The following EML4 variants were observed in gnomAD, a reference collection of about 807,000 sequenced individuals.
EML4 encodes EMAP like 4.
A neutral mutation model predicts 129.0 loss-of-function variants in EML4; 72 were observed. That is an observed-to-expected ratio of 0.56 (90% CI 0.46 to 0.68). The LOEUF (loss-of-function observed/expected upper bound fraction) is 0.68. Among genes scored for constraint, EML4 ranks in the 30% least tolerant of loss-of-function variants. The probability of loss-of-function intolerance (pLI) is 0.00; values close to 1 mark genes in which losing one functional copy is unlikely to be tolerated. For synonymous variants in EML4, 532 were observed against 405.0 expected, an observed-to-expected ratio of 1.31 and a Z score of -3.77; for missense variants, 1,363 against 1,190.6, an observed-to-expected ratio of 1.14 and a Z score of -2.13.
intron 1 of EML4, among the ~76,000 whole-genome samples, chr2:42,216,865 A>G (rs1558510183): frequency 6.6e-6 from 1 of 152,152 alleles, no homozygotes. Flanking sequence ...AGTTTATCCT[A>G]CCCCTCTGAC....
At chr2:42,258,382 T>A (rs900423084) in intron 3 of EML4, among the ~76,000 whole-genome samples, 4 of 142,538 alleles carry the variant, frequency 2.8e-5, no homozygotes, top group Non-Finnish European at 4.6e-5. Flanking sequence ...TTTCTTTTTT[T>A]ATTTATTTTT....
At chr2:42,279,452 A>T (rs1240562212) in intron 6 of EML4, among the ~76,000 whole-genome samples, 1 of 147,560 alleles carries the variant, frequency 6.8e-6, no homozygotes, top group African/African-American at 2.5e-5. Context: ...CCTCATCAAC[A>T]CTTGCCGTCT....
At chr2:42,220,123 C>G (rs565107722) in intron 1 of EML4, among the ~76,000 whole-genome samples, 1 of 151,870 alleles carries the variant, frequency 6.6e-6, no homozygotes, top group African/African-American at 2.4e-5. Context: ...AATTGTTTTA[C>G]TTATCTATAA....
chr2:42,282,433 G>C (rs1366652344), intron 7 of EML4, among the ~76,000 whole-genome samples: 1 of 152,064 alleles, frequency 6.6e-6, no homozygotes, highest in East Asian at 1.9e-4. Context: ...CTGTGGCCCA[G>C]GCTGGAGTGC....
chr2:42,182,160 T>TC (rs1238835765), intron 1 of EML4, among the ~76,000 whole-genome samples: 20 of 140,186 alleles, frequency 1.4e-4, no homozygotes, highest in East Asian at 2.0e-4. Context: ...AAATTCTTCT[T>TC]TTTTTTTTTT....
chr2:42,243,246 GAGA>G (rs1675157904), intron 1 of EML4, among the ~76,000 whole-genome samples: 1 of 152,196 alleles, frequency 6.6e-6, no homozygotes, highest in Non-Finnish European at 1.5e-5. Flanking sequence ...TTCTTCCTGT[GAGA>G]AGAAGGAGAA....
chr2:42,241,080 T>G (rs1675001321), intron 1 of EML4, among the ~76,000 whole-genome samples: 1 of 152,012 alleles, frequency 6.6e-6, no homozygotes, highest in African/African-American at 2.4e-5. Context: ...GAGAATCTCT[T>G]GAACCCATGA....
At chr2:42,188,082 A>C (rs1301294800) in intron 1 of EML4, among the ~76,000 whole-genome samples, 1 of 152,152 alleles carries the variant, frequency 6.6e-6, no homozygotes, top group Non-Finnish European at 1.5e-5. Flanking sequence ...ACTAATCGGA[A>C]AGATTAGCCT....
chr2:42,237,008 A>G (rs888248285), intron 1 of EML4, among the ~76,000 whole-genome samples: 3 of 152,160 alleles, frequency 2.0e-5, no homozygotes, highest in African/African-American at 7.2e-5. Flanking sequence ...TAACTATAGA[A>G]TTGTTTGTAG....
intron 14 of EML4, among the ~76,000 whole-genome samples, chr2:42,302,821 A>G (rs761119694): frequency 6.6e-5 from 10 of 152,218 alleles, no homozygotes; most frequent in Non-Finnish European, 1.2e-4. Flanking sequence ...GGTGTGAGCC[A>G]CCATGCCCAG....
chr2:42,187,142 C>G (rs964778585), intron 1 of EML4, among the ~76,000 whole-genome samples: 8 of 151,564 alleles, frequency 5.3e-5, no homozygotes, highest in Non-Finnish European at 1.2e-4. Context: ...TTCCTGGGCT[C>G]AAGTAATCCT....
intron 19 of EML4, among the ~76,000 whole-genome samples, chr2:42,321,030 G>T (rs1048748137): frequency 2.0e-5 from 3 of 152,086 alleles, no homozygotes; most frequent in Non-Finnish European, 4.4e-5. Flanking sequence ...AAATCCTGAA[G>T]TTAATGCAGG....
chr2:42,264,323 G>T (rs1025187460), intron 5 of EML4, among the ~76,000 whole-genome samples: 1 of 151,750 alleles, frequency 6.6e-6, no homozygotes, highest in African/African-American at 2.4e-5. Context: ...TTGCCATGTT[G>T]CCCAGGCTGG....
At chr2:42,270,921 G>C (rs180783769) in intron 6 of EML4, among the ~76,000 whole-genome samples, 1 of 151,982 alleles carries the variant, frequency 6.6e-6, no homozygotes, top group Admixed American at 6.6e-5. Context: ...TTTGAGATAG[G>C]GTCTCACTGT....
intron 9 of EML4, among the ~76,000 whole-genome samples, chr2:42,285,132 C>G (rs1264025540): frequency 1.3e-5 from 2 of 152,082 alleles, no homozygotes; most frequent in South Asian, 2.1e-4. Context: ...TGGGCTCAAA[C>G]TCCTGGGCTC....
chr2:42,253,715 CA>C (rs1035718628), intron 2 of EML4, among the ~76,000 whole-genome samples: 72 of 151,906 alleles, frequency 4.7e-4, no homozygotes, highest in African/African-American at 1.6e-3. Flanking sequence ...AGTCATATGC[CA>C]GGGGGAAAAA....
chr2:42,245,714 G>A, intron 2 of EML4, 27 bp downstream of exon 2: 1 of 1,527,070 alleles, frequency 6.5e-7, no homozygotes, highest in East Asian at 2.4e-5. Flanking sequence ...GTTAAAAAGA[G>A]TCTTGCTTTT....
At chr2:42,284,312 T>TA (rs1667172395) in intron 8 of EML4, among the ~76,000 whole-genome samples, 1 of 152,234 alleles carries the variant, frequency 6.6e-6, no homozygotes, top group Non-Finnish European at 1.5e-5. Flanking sequence ...TTCACTATAA[T>TA]AAAGTCGTGT....
At chr2:42,238,517 A>C (rs1476970919) in intron 1 of EML4, among the ~76,000 whole-genome samples, 3 of 152,156 alleles carry the variant, frequency 2.0e-5, no homozygotes, top group African/African-American at 7.2e-5. Flanking sequence ...CTGAGAGGGG[A>C]GGATTGCTTG....
Sources: allele counts gnomAD v4.1 joint callset (sites outside exome capture counted in the v4.1 genomes callset), GRCh38; gene constraint gnomAD v4.1.1; transcripts MANE v1.5; gene names NCBI Gene and HGNC (gene_info 2026-07-23, HGNC 2026-07-21).